Variants in SYK observed in about 807,000 individuals in gnomAD.
The protein encoded by SYK is tyrosine-protein kinase SYK.
In SYK, 16 loss-of-function variants were observed where a neutral mutation model predicts 77.8. The observed-to-expected ratio is 0.21, with a 90% CI of 0.14 to 0.31. SYK has a LOEUF of 0.31. Ranked by LOEUF, SYK falls within the 10% of genes least tolerant of loss-of-function variation. The pLI, the probability that SYK is intolerant of heterozygous loss-of-function variation, is 1.00. For synonymous variants in SYK, 312 were observed against 308.7 expected (o/e 1.01, Z -0.11); for missense variants, 529 against 814.4 (o/e 0.65, Z 4.26).
intron 1 of SYK, among the ~76,000 whole-genome samples, chr9:90,816,006 A>G (rs1282073995): frequency 6.6e-6 from 1 of 152,180 alleles, no homozygotes; most frequent in African/African-American, 2.4e-5. Context: ...TGTGATCCTA[A>G]CCTGCAGCTG....
chr9:90,831,771 C>A (rs541723296), intron 1 of SYK, among the ~76,000 whole-genome samples: 4 of 152,318 alleles, frequency 2.6e-5, no homozygotes, highest in African/African-American at 9.6e-5. Context: ...ACTCTGCTTT[C>A]TTGTTTTAGC....
chr9:90,884,162 C>CACGCATAT (rs1828278016), intron 11 of SYK, among the ~76,000 whole-genome samples: 1 of 48,374 alleles, frequency 2.1e-5, no homozygotes, highest in South Asian at 9.5e-4. Context: ...TGTATATATA[C>CACGCATAT]ACACATACAC....
At chr9:90,867,554 C>CA (rs1174670278) in intron 7 of SYK, among the ~76,000 whole-genome samples, 3 of 152,210 alleles carry the variant, frequency 2.0e-5, no homozygotes, top group Non-Finnish European at 4.4e-5. Flanking sequence ...TGGCCAGACT[C>CA]ACGTGTTGCA....
chr9:90,889,437 C>T (rs1019902998), intron 13 of SYK, among the ~76,000 whole-genome samples: 2 of 152,156 alleles, frequency 1.3e-5, no homozygotes, highest in South Asian at 2.1e-4. Context: ...TGATGCTTTG[C>T]GGAATCAGGT....
rs149261071 is a variant in SYK at position 90,829,243 on chromosome 9, C to G, written c.-41-14615C>G. ...GGCAGACGTTGCAGTGAGTGGAGATCGTGCCATTGCACTCCAGCTGGGGTG... is the reference window on the plus strand; with the variant it reads ...GGCAGACGTTGCAGTGAGTGGAGATGGTGCCATTGCACTCCAGCTGGGGTG... On this transcript the variant is annotated intron_variant, in intron 1 of 13. Coordinates refer to ENST00000375754, the MANE Select transcript of SYK (RefSeq NM_003177.7). Among the ~76,000 whole-genome samples the G allele has an allele frequency of 5.0e-4, 75 of 151,240 alleles. 1 individual carries two copies. In the East Asian group the frequency reaches 0.014, roughly 28 times the overall value.
chr9:90,823,835 A>T (rs1301531765), intron 1 of SYK, among the ~76,000 whole-genome samples: 1 of 152,068 alleles, frequency 6.6e-6, no homozygotes, highest in East Asian at 1.9e-4. Flanking sequence ...ACTTTTAAGA[A>T]ACTACAGAAA....
chr9:90,881,157 A>C (rs1346228670), intron 11 of SYK, among the ~76,000 whole-genome samples: 1 of 152,222 alleles, frequency 6.6e-6, no homozygotes, highest in Non-Finnish European at 1.5e-5. Flanking sequence ...CAAAGAGTCA[A>C]AGAACATGGG....
chr9:90,894,822 T>C (rs1033226136), intron 13 of SYK, among the ~76,000 whole-genome samples: 2 of 152,232 alleles, frequency 1.3e-5, no homozygotes, highest in African/African-American at 4.8e-5. Flanking sequence ...TGTCTGTAAG[T>C]GTTTGTTTAG....
chr9:90,842,428 G>A (rs753484934), intron 1 of SYK, among the ~76,000 whole-genome samples: 8 of 149,866 alleles, frequency 5.3e-5, no homozygotes, highest in Admixed American at 1.3e-4. Context: ...TTGTGTGTAT[G>A]TAACGTAGAA....
chr9:90,857,266 A>G (rs773260336), intron 3 of SYK, among the ~76,000 whole-genome samples: 84 of 152,206 alleles, frequency 5.5e-4, no homozygotes, highest in Non-Finnish European at 1.8e-4. Flanking sequence ...ATGCCATTTT[A>G]TTTGACACAT....
At chr9:90,887,017 T>C (rs1311419435) in intron 11 of SYK, among the ~76,000 whole-genome samples, 1 of 152,234 alleles carries the variant, frequency 6.6e-6, no homozygotes, top group East Asian at 1.9e-4. Context: ...AGTTATTTAC[T>C]TGGTGTACAC....
intron 1 of SYK, among the ~76,000 whole-genome samples, chr9:90,837,608 T>C (rs4744512): frequency 0.32 from 48,353 of 151,566 alleles, 8,323 homozygotes; most frequent in African/African-American, 0.43. Context: ...GCAATGAAGA[T>C]TTGCGATGTG....
intron 1 of SYK, among the ~76,000 whole-genome samples, chr9:90,840,814 T>C (rs1172799530): frequency 6.6e-6 from 1 of 152,198 alleles, no homozygotes; most frequent in Non-Finnish European, 1.5e-5. Context: ...TGATGATTAA[T>C]ACCCTCAAAT....
At position 90,896,122 on chromosome 9, in the gene SYK, A is replaced by G. The variant is rs113304691; in HGVS notation, c.*522A>G. 88 of 233,388 alleles carry G rather than the reference A, an allele frequency of 3.8e-4. 2 individuals carry two copies. Among genetic ancestry groups the G allele is most frequent in the African/African-American group, 1.8e-3 (84 of 45,468 alleles). The allele number at this position is 233,388 out of a possible 1,614,324, so 14.5% of individuals were successfully genotyped here. Reference sequence around the variant, plus strand: ...ACTGAAAAGCTTTCCTGACAATAAAAATGTTTTGAGGCTTTAAAAAGAAAA... The same window carrying G: ...ACTGAAAAGCTTTCCTGACAATAAAGATGTTTTGAGGCTTTAAAAAGAAAA... On this transcript the variant is annotated 3_prime_UTR_variant, in exon 14 of 14. Transcript: ENST00000375754.
chr9:90,863,957 T>C (rs1201686391), intron 4 of SYK, among the ~76,000 whole-genome samples: 1 of 152,216 alleles, frequency 6.6e-6, no homozygotes, highest in Non-Finnish European at 1.5e-5. Context: ...CCCTGGTAGA[T>C]CATAGCATTC....
At chr9:90,852,696 C>T (rs1213410123) in intron 3 of SYK, among the ~76,000 whole-genome samples, 3 of 152,110 alleles carry the variant, frequency 2.0e-5, no homozygotes, top group Non-Finnish European at 2.9e-5. Flanking sequence ...TGGAGTCGTC[C>T]AACCAGTAAG....
chr9:90,820,072 C>A (rs1452296711), intron 1 of SYK, among the ~76,000 whole-genome samples: 2 of 152,366 alleles, frequency 1.3e-5, no homozygotes, highest in Non-Finnish European at 1.5e-5. Context: ...CCAGGTCACA[C>A]AGCCAGGTCC....
At chr9:90,887,960 A>G in intron 12 of SYK, 71 bp downstream of exon 12, 1 of 1,459,520 alleles carries the variant, frequency 6.9e-7, no homozygotes, top group Non-Finnish European at 9.1e-7. Flanking sequence ...TGTCTTTACA[A>G]CAACCTGAAA....
rs1317361206 is a variant in SYK, at chr9:90,895,327, C to A, written c.1836-201C>A. Among the ~76,000 whole-genome samples the A allele has an allele frequency of 1.3e-5, 2 of 152,170 alleles. No homozygotes were observed. The highest frequency in any genetic ancestry group is 2.9e-5 in the Non-Finnish European group (2 of 68,032). ...AAGTGCAGATATGGGTTATTTAGGT[C>A]TACAGTAGGCCGACACTATTTTTGA... is the stretch of plus-strand genomic sequence containing the variant. On this transcript the variant is annotated intron_variant, in intron 13 of 13. Coordinates refer to ENST00000375754, the MANE Select transcript of SYK (RefSeq NM_003177.7). The surrounding 1 kb of genome is among the most constrained non-coding windows in gnomAD (Gnocchi z 4.4).
Sources: gnomAD v4.1 joint callset for allele counts (sites outside exome capture counted in the v4.1 genomes callset) on GRCh38, gnomAD v4.1.1 for gene constraint, Gnocchi (gnomAD v3.1) non-coding constraint, MANE v1.5 for transcripts, NCBI Gene and HGNC (gene_info 2026-07-23, HGNC 2026-07-21) for gene names.